The following TENM4 variants were observed in gnomAD, a reference collection of about 807,000 sequenced individuals.
The protein encoded by TENM4 is teneurin-4.
Under a neutral mutation model 243.3 loss-of-function variants are expected in TENM4, and 82 were observed. That is an observed-to-expected ratio of 0.34 (90% CI 0.28 to 0.40). TENM4 has a LOEUF of 0.40. Among genes scored for constraint, TENM4 ranks in the 10% least tolerant of loss-of-function variants. The pLI, the probability that TENM4 is intolerant of heterozygous loss-of-function variation, is 1.00. For missense variants in TENM4, 3,138 were observed against 3,673.3 expected (o/e 0.85, Z 3.77); for synonymous variants, 1,412 against 1,456.3 (o/e 0.97, Z 0.69).
chr11:78,998,620 G>A (rs1308931276), intron 6 of TENM4, among the ~76,000 whole-genome samples: 1 of 151,846 alleles, frequency 6.6e-6, no homozygotes, highest in Non-Finnish European at 1.5e-5. Flanking sequence ...TCCTGGGCTT[G>A]TTCTGTCCAC....
Position 79,308,503 on chromosome 11 carries a change from A to T in TENM4, c.-320-10960T>A, listed in dbSNP as rs186721158. Among the ~76,000 whole-genome samples the T allele has an allele frequency of 2.6e-5, 4 of 152,350 alleles. No homozygotes were observed. In the East Asian group the frequency reaches 5.8e-4, roughly 22 times the overall value. Reference sequence around the variant, plus strand: ...AATATCTGATTCCTCCTGGTAACAAAGTCCCAGAGACTGCTAATGCTATTG... The same window carrying T: ...AATATCTGATTCCTCCTGGTAACAATGTCCCAGAGACTGCTAATGCTATTG... On this transcript the variant is annotated intron_variant, in intron 1 of 33. Transcript: ENST00000278550.
At chr11:79,383,661 A>T (rs1293770656) in intron 1 of TENM4, among the ~76,000 whole-genome samples, 1 of 151,922 alleles carries the variant, frequency 6.6e-6, no homozygotes, top group Non-Finnish European at 1.5e-5. Flanking sequence ...GCCGGTGGGG[A>T]GCTCCTGATC....
chr11:79,407,476 G>A (rs1478072339), intron 1 of TENM4, among the ~76,000 whole-genome samples: 1 of 152,192 alleles, frequency 6.6e-6, no homozygotes, highest in Non-Finnish European at 1.5e-5. Flanking sequence ...ATACTCACAA[G>A]AATCCTGCTC....
At chr11:78,699,780 G>A (rs1265972051) in intron 28 of TENM4, among the ~76,000 whole-genome samples, 2 of 152,222 alleles carry the variant, frequency 1.3e-5, no homozygotes, top group African/African-American at 2.4e-5. Context: ...GTGGTGGAGC[G>A]TAATGGATGC....
chr11:79,264,189 C>T (rs974596490), intron 2 of TENM4, among the ~76,000 whole-genome samples: 5 of 152,138 alleles, frequency 3.3e-5, no homozygotes, highest in South Asian at 2.1e-4. Context: ...TGAGATACCA[C>T]GGGAGCAGTG....
intron 16 of TENM4, among the ~76,000 whole-genome samples, chr11:78,781,831 C>T (rs1856843954): frequency 6.6e-6 from 1 of 152,198 alleles, no homozygotes; most frequent in Non-Finnish European, 1.5e-5. Context: ...TTGGATACAT[C>T]AGTGCTCTTC....
intron 1 of TENM4, among the ~76,000 whole-genome samples, chr11:79,309,743 C>A (rs1856687704): frequency 6.6e-6 from 1 of 152,194 alleles, no homozygotes; most frequent in Admixed American, 6.5e-5. Context: ...GATAGAGAAA[C>A]AGGCCCAGAG....
At chr11:78,833,944 C>T (rs1294213042) in intron 12 of TENM4, among the ~76,000 whole-genome samples, 1 of 152,174 alleles carries the variant, frequency 6.6e-6, no homozygotes, top group Non-Finnish European at 1.5e-5. Context: ...AATCTCTTCC[C>T]TTTCTGGGAG....
intron 4 of TENM4, among the ~76,000 whole-genome samples, chr11:79,111,475 G>A (rs1453989680): frequency 6.6e-6 from 1 of 152,136 alleles, no homozygotes; most frequent in African/African-American, 2.4e-5. Flanking sequence ...AACCCGGGAG[G>A]TGGAGCTTGC....
intron 6 of TENM4, among the ~76,000 whole-genome samples, chr11:78,941,491 G>T (rs930011561): frequency 6.6e-6 from 1 of 152,198 alleles, no homozygotes; most frequent in Non-Finnish European, 1.5e-5. Flanking sequence ...AGTAGGGAAA[G>T]GCTGTTCTGT....
intron 4 of TENM4, among the ~76,000 whole-genome samples, chr11:79,123,701 T>C (rs967549013): frequency 1.3e-5 from 2 of 151,840 alleles, no homozygotes; most frequent in African/African-American, 4.8e-5. Flanking sequence ...AAAATGTCCC[T>C]TTTCGGGGAA....
intron 6 of TENM4, among the ~76,000 whole-genome samples, chr11:79,023,817 A>G (rs1737922536): frequency 6.6e-6 from 1 of 152,138 alleles, no homozygotes; most frequent in African/African-American, 2.4e-5. Flanking sequence ...GGGAACAAAC[A>G]TGGCTGGACA....
chr11:78,775,018 G>A (rs897475420), intron 17 of TENM4, among the ~76,000 whole-genome samples: 2 of 152,124 alleles, frequency 1.3e-5, no homozygotes, highest in Non-Finnish European at 2.9e-5. Flanking sequence ...AGTTCTATGA[G>A]GTCCTCAAGA....
At chr11:79,246,148 A>G (rs542496653) in intron 2 of TENM4, among the ~76,000 whole-genome samples, 2 of 152,122 alleles carry the variant, frequency 1.3e-5, no homozygotes, top group African/African-American at 4.8e-5. Context: ...CTACATTTAT[A>G]GAGTGCTCAA....
intron 12 of TENM4, among the ~76,000 whole-genome samples, chr11:78,838,657 C>A (rs1858178230): frequency 6.6e-6 from 1 of 152,030 alleles, no homozygotes; most frequent in Non-Finnish European, 1.5e-5. Context: ...GTAAAGCAGG[C>A]CAGGTACATG....
chr11:79,123,262 A>G (rs1861782023), intron 4 of TENM4, among the ~76,000 whole-genome samples: 1 of 152,214 alleles, frequency 6.6e-6, no homozygotes, highest in Non-Finnish European at 1.5e-5. Flanking sequence ...ATTGAGCTGG[A>G]CACTAAATAG....
Position 78,826,969 on chromosome 11 carries a change from C to A in TENM4, c.1682-12574G>T, listed in dbSNP as rs962493731. On this transcript the variant is annotated intron_variant, in intron 12 of 33. Transcript: ENST00000278550. The stretch of plus-strand genomic sequence containing the variant: ...TAGGCATCCGAGTATACCACCCAGG[C>A]CTGGAGCAGTGTTTTCTAAAAGTCA... Among the ~76,000 whole-genome samples the A allele has an allele frequency of 5.3e-5, 8 of 152,160 alleles. No individual in the cohort carries two copies. The East Asian group carries it at 1.3e-3, about 26-fold the overall frequency.
rs142763565 is a variant in TENM4 at position 79,085,410 on chromosome 11, A to G, written c.-65-15401T>C. ...AAAAGGGGGGTTTTTTTTTTGGGTC[A>G]GGCTTTTTTGAGTCAGGCAGACCTT... On this transcript the variant is annotated intron_variant, in intron 4 of 33. Coordinates refer to ENST00000278550, the MANE Select transcript of TENM4 (RefSeq NM_001098816.3). 1.9e-3 allele frequency among the ~76,000 whole-genome samples: 280 copies of G among 147,944 alleles called. 1 individual carries two copies. Among genetic ancestry groups the G allele is most frequent in the Middle Eastern group, 6.9e-3 (2 of 288 alleles).
At chr11:79,054,050 AG>A (rs747369182) in intron 6 of TENM4, among the ~76,000 whole-genome samples, 1 of 152,180 alleles carries the variant, frequency 6.6e-6, no homozygotes, top group Non-Finnish European at 1.5e-5. Context: ...GGAGAGATCC[AG>A]GTGGGTGCGT....
Sources: allele counts gnomAD v4.1 joint callset (sites outside exome capture counted in the v4.1 genomes callset), GRCh38; gene constraint gnomAD v4.1.1; transcripts MANE v1.5; gene names NCBI Gene and HGNC (gene_info 2026-07-23, HGNC 2026-07-21).